Variants in TEX11 observed in about 807,000 individuals in gnomAD.
TEX11 encodes the protein testis-expressed protein 11.
In TEX11, 7 loss-of-function variants were observed where a neutral mutation model predicts 84.4. The observed-to-expected ratio is 0.08, with a 90% CI of 0.05 to 0.16. The LOEUF is 0.16. Among genes scored for constraint, TEX11 ranks in the 10% least tolerant of loss-of-function variants. The pLI is 1.00. For missense variants in TEX11, 551 were observed against 660.5 expected (o/e 0.83, Z 1.82); for synonymous variants, 264 against 222.8 (o/e 1.18, Z -1.64).
At chrX:70,688,501 A>C (rs953339349) in intron 13 of TEX11, among the ~76,000 whole-genome samples, 1 of 110,836 alleles carries the variant, frequency 9.0e-6, no homozygotes, top group Non-Finnish European at 1.9e-5. Flanking sequence ...AAAAGACTAC[A>C]TACTGAATGA....
At position 70,720,950 on chromosome X, in the gene TEX11, T is replaced by A. The variant is rs58400139; in HGVS notation, c.1004+1668A>T. Among the ~76,000 whole-genome samples the A allele has an allele frequency of 4.0e-4, 44 of 110,527 alleles. No individual in the cohort carries two copies. In the East Asian group the frequency reaches 0.012, roughly 31 times the overall value. ...GGAATGTAGTATTGAATGTATTCCT[T>A]CTACTACAGTAATAAAAAGTGTGAG... is the stretch of plus-strand genomic sequence containing the variant. On this transcript the variant is annotated intron_variant, in intron 13 of 29. Coordinates refer to ENST00000374333, the MANE Select transcript of TEX11 (RefSeq NM_031276.3).
intron 2 of TEX11, among the ~76,000 whole-genome samples, chrX:70,900,902 C>T (rs2091799780): frequency 9.0e-6 from 1 of 111,239 alleles, no homozygotes; most frequent in East Asian, 2.8e-4. Context: ...TGAGATTATG[C>T]CACTGCACTC....
At chrX:70,558,516 G>A (rs2088319479) in intron 25 of TEX11, among the ~76,000 whole-genome samples, 2 of 111,805 alleles carry the variant, frequency 1.8e-5, no homozygotes, top group South Asian at 7.5e-4. Context: ...ATTTGGCAAT[G>A]GATTCTTAGA....
chrX:70,660,649 A>G (rs1424644418), intron 16 of TEX11, among the ~76,000 whole-genome samples: 4 of 112,223 alleles, frequency 3.6e-5, no homozygotes, highest in Non-Finnish European at 7.5e-5. Flanking sequence ...ACTTACTATG[A>G]TAATGCCTTC....
chrX:70,652,610 C>T (rs993678825), intron 16 of TEX11, among the ~76,000 whole-genome samples: 19 of 111,811 alleles, frequency 1.7e-4, no homozygotes, highest in Admixed American at 1.6e-3. Flanking sequence ...CTGTGCCATA[C>T]CAGTTATTAA....
intron 22 of TEX11, among the ~76,000 whole-genome samples, chrX:70,607,573 G>A (rs1314291323): frequency 1.9e-5 from 2 of 107,144 alleles, no homozygotes; most frequent in African/African-American, 6.9e-5. Context: ...GCAAAACTCC[G>A]TCTCAAAAAA....
chrX:70,629,830 TTTAAGAAC>T (rs1413630585), intron 17 of TEX11, 95 bp from the exon 18 acceptor site: 1 of 670,835 alleles, frequency 1.5e-6, no homozygotes, highest in East Asian at 3.9e-5. Context: ...TGGAACTTAT[TTTAAGAAC>T]ATTTTTAAAA....
At chrX:70,848,073 C>T (rs2091488714) in intron 7 of TEX11, among the ~76,000 whole-genome samples, 1 of 111,831 alleles carries the variant, frequency 8.9e-6, no homozygotes, top group African/African-American at 3.2e-5. Flanking sequence ...TTCATGCTTA[C>T]ACTATGCCTT....
intron 8 of TEX11, among the ~76,000 whole-genome samples, chrX:70,823,012 T>C (rs192187896): frequency 9.7e-6 from 1 of 103,149 alleles, no homozygotes; most frequent in Non-Finnish European, 2.0e-5. Flanking sequence ...CAACATGAGA[T>C]TTGGTTGGGG....
intron 24 of TEX11, among the ~76,000 whole-genome samples, chrX:70,601,134 GA>G (rs1379800277): frequency 1.9e-5 from 1 of 53,360 alleles, no homozygotes; most frequent in East Asian, 5.9e-4. Flanking sequence ...GACTAATAAA[GA>G]AAAAAAGAGA....
the TEX11 span, among the ~76,000 whole-genome samples, chrX:70,517,290 C>T: frequency 4.5e-5 from 5 of 111,744 alleles, no homozygotes; most frequent in South Asian, 3.8e-4. Flanking sequence ...TTTTGAGATA[C>T]GTTCCATCAA....
intron 13 of TEX11, among the ~76,000 whole-genome samples, chrX:70,695,797 A>C (rs904064903): frequency 8.9e-6 from 1 of 112,040 alleles, no homozygotes; most frequent in Non-Finnish European, 1.9e-5. Context: ...ATCTCTAAGG[A>C]ATATACTATT....
chrX:70,594,337 G>C (rs946875610), intron 24 of TEX11, among the ~76,000 whole-genome samples: 4 of 111,269 alleles, frequency 3.6e-5, no homozygotes, highest in African/African-American at 1.3e-4. Flanking sequence ...TCGTTGCTAA[G>C]AGACAATCTT....
intron 28 of TEX11, among the ~76,000 whole-genome samples, chrX:70,531,134 C>T (rs977908995): frequency 9.8e-5 from 11 of 111,679 alleles, no homozygotes; most frequent in Non-Finnish European, 2.1e-4. Flanking sequence ...ATGTATTTAT[C>T]TCCTCCAGAC....
intron 2 of TEX11, among the ~76,000 whole-genome samples, chrX:70,893,616 GA>G (rs1357951613): frequency 1.8e-5 from 2 of 111,812 alleles, no homozygotes; most frequent in East Asian, 5.6e-4. Context: ...GCCCACATCG[GA>G]AAGCTGGATA....
At chrX:70,706,451 T>C (rs774668781) in intron 13 of TEX11, among the ~76,000 whole-genome samples, 1 of 111,100 alleles carries the variant, frequency 9.0e-6, no homozygotes, top group East Asian at 2.8e-4. Context: ...GAACTTAAAG[T>C]ATATATAAAA....
At chrX:70,574,582 T>A (rs1374000619) in intron 25 of TEX11, among the ~76,000 whole-genome samples, 2 of 111,440 alleles carry the variant, frequency 1.8e-5, no homozygotes, top group East Asian at 5.6e-4. Flanking sequence ...TCTAATGATA[T>A]AATTTCTGGT....
At chrX:70,695,991 C>G (rs768763982) in intron 13 of TEX11, among the ~76,000 whole-genome samples, 1 of 111,774 alleles carries the variant, frequency 8.9e-6, no homozygotes, top group South Asian at 3.7e-4. Flanking sequence ...ACACCACTGA[C>G]CTTCTAGTTT....
intron 15 of TEX11, chrX:70,672,853 G>C (rs2147640516): frequency 9.1e-6 from 1 of 110,496 alleles, no homozygotes; most frequent in Admixed American, 9.7e-5. Context: ...TTCTTCAGAG[G>C]ATAGCTTTTT....
Sources: allele counts gnomAD v4.1 joint callset (sites outside exome capture counted in the v4.1 genomes callset), GRCh38; gene constraint gnomAD v4.1.1; transcripts MANE v1.5; gene names NCBI Gene and HGNC (gene_info 2026-07-23, HGNC 2026-07-21).